PACSIN2: variants seen among roughly 807,000 people sequenced by gnomAD.
PACSIN2 encodes the protein protein kinase C and casein kinase substrate in neurons protein 2.
A neutral mutation model predicts 63.8 loss-of-function variants in PACSIN2; 25 were observed. The ratio of observed to expected loss-of-function variants is 0.39; its 90% CI spans 0.29 to 0.55. The LOEUF is 0.55. Ranked by LOEUF, PACSIN2 falls within the 20% of genes least tolerant of loss-of-function variation. The pLI, the probability that PACSIN2 is intolerant of heterozygous loss-of-function variation, is 0.62. For missense variants in PACSIN2, 518 were observed against 646.9 expected (o/e 0.80, Z 2.16); for synonymous variants, 255 against 256.2 (o/e 1.00, Z 0.05).
chr22:42,876,141 C>G lies in PACSIN2; in HGVS notation c.1344G>C (p.Lys448Asn), dbSNP rs752065462. Reference sequence around the variant, plus strand: ...ATGCTGGGGGAGCCCACCTACCAGCCTTGAAGCTCAGCTCATCATGCTCCT... The same window carrying G: ...ATGCTGGGGGAGCCCACCTACCAGCGTTGAAGCTCAGCTCATCATGCTCCT... ...EGQEHDELSF[K>N]AGDELTKMED... is the part of the protein sequence containing the mutation. The change falls in exon 10 of 11, where the codon AAG becomes AAC. Residue 448 changes from lysine to asparagine, a missense_variant. Physicochemically the swap from Lys to Asn is moderately conservative, Grantham distance 94 (BLOSUM62 0). Around this residue, in one of 2 missense-constraint regions of PACSIN2, gnomAD observed 507 missense variants for 612.3 expected, o/e 0.83. Coordinates refer to ENST00000263246, the MANE Select transcript of PACSIN2 (RefSeq NM_001184970.3). 1.2e-6 allele frequency: 2 copies of G among 1,609,524 alleles called. No homozygotes were observed. The highest frequency in any genetic ancestry group is 3.3e-4 in the Middle Eastern group (2 of 6,044).
rs1491309094 is a variant in PACSIN2, at chr22:42,936,916, AAG to A, written c.-77-24761_-77-24760del. 1.3e-4 allele frequency among the ~76,000 whole-genome samples: 15 copies of A among 119,144 alleles called. No homozygotes were observed. In the East Asian group the frequency reaches 2.3e-3, roughly 18 times the overall value. 78.2% of individuals were successfully genotyped at this position (119,144 alleles called of 152,430 possible). A position where few individuals can be genotyped will look rare whatever the true frequency, so the allele number is the denominator to read the frequency against. On this transcript the variant is annotated intron_variant, in intron 1 of 10. Transcript: ENST00000263246. Reference sequence around the variant, plus strand: ...ACACAGCAAGACTCTGCCTCAAAAAAAGGGGGGGGGGCAGGGGCAGTAAATTA... The same window carrying A: ...ACACAGCAAGACTCTGCCTCAAAAAAGGGGGGGGGCAGGGGCAGTAAATTA...
At chr22:42,908,928 ATCT>A (rs1931265855) in intron 2 of PACSIN2, among the ~76,000 whole-genome samples, 1 of 151,998 alleles carries the variant, frequency 6.6e-6, no homozygotes, top group Non-Finnish European at 1.5e-5. Flanking sequence ...CTCCATAAGC[ATCT>A]TCTTTGTGGG....
At chr22:42,975,689 T>C (rs1371351072) in intron 1 of PACSIN2, among the ~76,000 whole-genome samples, 1 of 147,536 alleles carries the variant, frequency 6.8e-6, no homozygotes, top group African/African-American at 2.5e-5. Context: ...AATGATGAAC[T>C]ATTCTAGAAT....
At chr22:42,923,722 C>T (rs1054514129) in intron 1 of PACSIN2, among the ~76,000 whole-genome samples, 3 of 152,144 alleles carry the variant, frequency 2.0e-5, no homozygotes, top group African/African-American at 4.8e-5. Flanking sequence ...CCACTGCGCC[C>T]GGCCTCAACT....
chr22:42,997,349 G>C (rs1370260685), intron 1 of PACSIN2, among the ~76,000 whole-genome samples: 1 of 152,188 alleles, frequency 6.6e-6, no homozygotes, highest in Admixed American at 6.5e-5. Context: ...ACAAGGTCAG[G>C]AGATTGAGAC....
chr22:42,913,308 C>G (rs1278518890), intron 1 of PACSIN2, among the ~76,000 whole-genome samples: 2 of 152,080 alleles, frequency 1.3e-5, no homozygotes. Flanking sequence ...GGAGAAACCC[C>G]GTCTCTACTA....
chr22:42,883,635 A>C (rs1003982830), intron 6 of PACSIN2, among the ~76,000 whole-genome samples: 3 of 152,224 alleles, frequency 2.0e-5, no homozygotes, highest in African/African-American at 7.2e-5. Flanking sequence ...TCACCTGATC[A>C]CAAAGGGCCT....
At chr22:42,919,895 T>A (rs1387123342) in intron 1 of PACSIN2, among the ~76,000 whole-genome samples, 2 of 147,284 alleles carry the variant, frequency 1.4e-5, no homozygotes, top group African/African-American at 5.0e-5. Context: ...AGCAGGTGGA[T>A]CACTTGAGGC....
intron 1 of PACSIN2, among the ~76,000 whole-genome samples, chr22:42,931,476 G>A (rs183143361): frequency 2.6e-5 from 4 of 152,330 alleles, no homozygotes; most frequent in East Asian, 1.9e-4. Context: ...GGAGGTGTCC[G>A]AGACAGAAGA....
At chr22:42,916,580 A>C in intron 1 of PACSIN2, among the ~76,000 whole-genome samples, 1 of 151,096 alleles carries the variant, frequency 6.6e-6, no homozygotes, top group African/African-American at 2.4e-5. Flanking sequence ...AGCGTATGGG[A>C]CTCTCCTGGC....
chr22:42,907,062 A>G (rs1001915891), intron 2 of PACSIN2, among the ~76,000 whole-genome samples: 2 of 152,162 alleles, frequency 1.3e-5, no homozygotes, highest in African/African-American at 4.8e-5. Flanking sequence ...CCTAGGAAGG[A>G]GATGGAAGTC....
Position 42,936,917 on chromosome 22 carries a change from A to AGGG in PACSIN2, c.-77-24763_-77-24761dup, listed in dbSNP as rs34212391. On this transcript the variant is annotated intron_variant, in intron 1 of 10. Coordinates refer to ENST00000263246, the MANE Select transcript of PACSIN2 (RefSeq NM_001184970.3). ...CACAGCAAGACTCTGCCTCAAAAAA[A>AGGG]GGGGGGGGGGCAGGGGCAGTAAATT... is the stretch of plus-strand genomic sequence containing the variant. Among the ~76,000 whole-genome samples, 248 of 117,160 alleles carry AGGG rather than the reference A, an allele frequency of 2.1e-3. 3 individuals are homozygous for AGGG. Among genetic ancestry groups the AGGG allele is most frequent in the Admixed American group, 3.8e-3 (42 of 11,062 alleles). 76.9% of individuals were successfully genotyped at this position (117,160 alleles called of 152,430 possible).
intron 2 of PACSIN2, among the ~76,000 whole-genome samples, chr22:42,899,660 C>T (rs914702873): frequency 6.6e-6 from 1 of 152,162 alleles, no homozygotes; most frequent in South Asian, 2.1e-4. Context: ...ATGCAAGTGC[C>T]CTACGATGAC....
chr22:42,945,115 G>T (rs892280640), intron 1 of PACSIN2, among the ~76,000 whole-genome samples: 5 of 150,452 alleles, frequency 3.3e-5, no homozygotes, highest in Admixed American at 6.6e-5. Flanking sequence ...AAAAAAAGAG[G>T]CAAGGGCTGT....
In PACSIN2 at chr22:42,912,154, A is replaced by C; in HGVS notation, c.-74T>G. 1 of 991,748 alleles carries C rather than the reference A, an allele frequency of 1.0e-6. No homozygotes were observed. The highest frequency in any genetic ancestry group is 1.5e-6 in the Non-Finnish European group (1 of 659,292). 61.4% of individuals were successfully genotyped at this position (991,748 alleles called of 1,614,324 possible). A position where few individuals can be genotyped will look rare whatever the true frequency, so the allele number is the denominator to read the frequency against. On this transcript the variant is annotated 5_prime_UTR_variant, in exon 2 of 11. Coordinates refer to ENST00000263246, the MANE Select transcript of PACSIN2 (RefSeq NM_001184970.3). ...CTTCGAACGCTCAAAATCTGTAGAC[A>C]AACCTATAAATGAAAAACATATAAC...
intron 1 of PACSIN2, among the ~76,000 whole-genome samples, chr22:42,926,572 C>A (rs17003418): frequency 6.2e-4 from 94 of 152,236 alleles, no homozygotes; most frequent in Middle Eastern, 3.4e-3. Context: ...ACAGCACAGA[C>A]TCTCCAATAT....
intron 10 of PACSIN2, among the ~76,000 whole-genome samples, chr22:42,873,798 CT>C (rs11386127): frequency 7.6e-4 from 110 of 145,596 alleles, no homozygotes; most frequent in Admixed American, 8.2e-4. Context: ...ATTTTCTTTC[CT>C]TTTTTTTTTT....
At chr22:43,005,630 T>C (rs1285993823) in intron 1 of PACSIN2, among the ~76,000 whole-genome samples, 2 of 152,192 alleles carry the variant, frequency 1.3e-5, no homozygotes, top group Non-Finnish European at 2.9e-5. Flanking sequence ...GAAGGATTTT[T>C]AAATAGAACT....
intron 2 of PACSIN2, among the ~76,000 whole-genome samples, chr22:42,896,488 G>A (rs918472405): frequency 1.3e-5 from 2 of 152,068 alleles, no homozygotes. Context: ...AGTAGTATTC[G>A]ATTGGGTAGT....
Sources: gnomAD v4.1 joint callset for allele counts (sites outside exome capture counted in the v4.1 genomes callset) on GRCh38, gnomAD v4.1.1 for gene constraint, gnomAD v4.1.1 regional missense constraint, MANE v1.5 for transcripts, NCBI Gene and HGNC (gene_info 2026-07-23, HGNC 2026-07-21) for gene names.